SNTG2: variants seen among roughly 807,000 people sequenced by gnomAD.
SNTG2 encodes the protein syntrophin gamma 2, also known as gamma-2-syntrophin.
A neutral mutation model predicts 70.9 loss-of-function variants in SNTG2; 74 were observed. That is an observed-to-expected ratio of 1.04 (90% CI 0.86 to 1.27). The LOEUF is 1.27. SNTG2 is among the 50% of genes most tolerant of loss of function. The pLI, the probability that SNTG2 is intolerant of heterozygous loss-of-function variation, is 0.00. For missense variants in SNTG2, 717 were observed against 690.7 expected, an observed-to-expected ratio of 1.04 and a Z score of -0.43; for synonymous variants, 278 against 273.8, an observed-to-expected ratio of 1.02 and a Z score of -0.15.
intron 4 of SNTG2, among the ~76,000 whole-genome samples, chr2:1,117,797 C>T (rs111888418): frequency 3.3e-4 from 51 of 152,352 alleles, no homozygotes; most frequent in African/African-American, 1.1e-3. Context: ...GTCTTTGCTG[C>T]TGCTGCACTG....
Position 1,353,417 on chromosome 2 carries a change from AT to A in SNTG2, c.1489-13923del, listed in dbSNP as rs1660687265. On this transcript the variant is annotated intron_variant, in intron 16 of 16. Coordinates refer to ENST00000308624, the MANE Select transcript of SNTG2 (RefSeq NM_018968.4). The surrounding 1 kb of genome is among the most constrained non-coding windows in gnomAD (Gnocchi z 4.2). ...TGTGGCTGTTCCTCGTGATTGTTGC[AT>A]TTCATCCTATACTTCTTGGGCTTAT... Among the ~76,000 whole-genome samples, 1 of 152,164 alleles carries A rather than the reference AT, an allele frequency of 6.6e-6. No homozygotes were observed. Among genetic ancestry groups the A allele is most frequent in the Admixed American group, 6.5e-5 (1 of 15,284 alleles).
At chr2:1,267,737 G>A (rs1467256541) in intron 14 of SNTG2, among the ~76,000 whole-genome samples, 166 bp downstream of exon 14, 4 of 135,628 alleles carry the variant, frequency 2.9e-5, no homozygotes, top group Non-Finnish European at 4.7e-5. Context: ...GGAGTCATGC[G>A]CTCCGTGGAT....
At chr2:1,266,996 C>T (rs936691908) in intron 13 of SNTG2, among the ~76,000 whole-genome samples, 13 of 152,072 alleles carry the variant, frequency 8.5e-5, no homozygotes, top group African/African-American at 3.1e-4. Context: ...GTCTCAGACT[C>T]CTGGGCTCAA....
intron 16 of SNTG2, among the ~76,000 whole-genome samples, chr2:1,364,766 T>C (rs1242805600): frequency 1.4e-4 from 20 of 145,252 alleles, no homozygotes; most frequent in South Asian, 2.2e-4. Context: ...AAAAATTAGC[T>C]GGGTGTGGTC....
chr2:966,774 G>A (rs914116843), intron 1 of SNTG2, among the ~76,000 whole-genome samples: 10 of 152,090 alleles, frequency 6.6e-5, no homozygotes, highest in African/African-American at 2.2e-4. Flanking sequence ...GTGAAACCCC[G>A]TCTCTACTAA....
chr2:975,829 T>C (rs1660891724), intron 1 of SNTG2, among the ~76,000 whole-genome samples: 1 of 152,246 alleles, frequency 6.6e-6, no homozygotes, highest in South Asian at 2.1e-4. Context: ...ACTGTGTTTA[T>C]TCCCCAAGAT....
chr2:1,076,458 A>C (rs1327466430), intron 1 of SNTG2, among the ~76,000 whole-genome samples: 1 of 152,246 alleles, frequency 6.6e-6, no homozygotes, highest in Non-Finnish European at 1.5e-5. Flanking sequence ...AACAAGGGGC[A>C]ATGCTTTATA....
chr2:1,220,639 C>T (rs370125137), intron 9 of SNTG2, among the ~76,000 whole-genome samples: 59 of 152,330 alleles, frequency 3.9e-4, no homozygotes, highest in African/African-American at 1.3e-3. Context: ...TTTCTTTTGA[C>T]GATAGAAGAT....
Position 1,367,536 on chromosome 2 carries a change from C to A in SNTG2, c.*62C>A. 2.0e-6 allele frequency: 3 copies of A among 1,518,450 alleles called. No homozygotes were observed. The highest frequency in any genetic ancestry group is 1.2e-5 in the South Asian group (1 of 80,108). The allele number at this position is 1,518,450 out of a possible 1,614,324, so 94.1% of individuals were successfully genotyped here. On this transcript the variant is annotated 3_prime_UTR_variant, in exon 17 of 17. Transcript: ENST00000308624. ...TTTCGTAAGAAATGATTCTTTCCTG[C>A]AGAATATTGCAACTTTGTGTTGTTT...
chr2:1,190,810 T>G (rs4270381), intron 8 of SNTG2, among the ~76,000 whole-genome samples: 1 of 151,782 alleles, frequency 6.6e-6, no homozygotes, highest in African/African-American at 2.4e-5. Context: ...ATCATATATC[T>G]AAATGCTGCC....
At chr2:1,249,777 T>C (rs1677648290) in intron 12 of SNTG2, among the ~76,000 whole-genome samples, 1 of 152,256 alleles carries the variant, frequency 6.6e-6, no homozygotes, top group African/African-American at 2.4e-5. Flanking sequence ...CTTCTTTTTC[T>C]TCATACCTGC....
chr2:1,288,889 C>G (rs1017948965), intron 14 of SNTG2, among the ~76,000 whole-genome samples: 5 of 152,148 alleles, frequency 3.3e-5, no homozygotes, highest in African/African-American at 1.2e-4. Context: ...TCTTCCATCT[C>G]CCCCAGCCCC....
chr2:978,366 A>G (rs1399058264), intron 1 of SNTG2, among the ~76,000 whole-genome samples: 1 of 152,222 alleles, frequency 6.6e-6, no homozygotes, highest in East Asian at 1.9e-4. Context: ...AGAAATTATT[A>G]CTTTTCATTC....
intron 7 of SNTG2, among the ~76,000 whole-genome samples, chr2:1,166,277 G>A (rs1670699408): frequency 6.6e-6 from 1 of 152,136 alleles, no homozygotes; most frequent in Non-Finnish European, 1.5e-5. Context: ...TCGAAGGCAA[G>A]GCCCAGGCTC....
At chr2:1,267,741 C>A (rs149684072) in intron 14 of SNTG2, among the ~76,000 whole-genome samples, 170 bp downstream of exon 14, 8,692 of 138,694 alleles carry the variant, frequency 0.063, 318 homozygotes, top group Middle Eastern at 0.092. Flanking sequence ...TCATGCGCTC[C>A]GTGGATAAAT....
At chr2:958,028 G>A (rs1019646698) in intron 1 of SNTG2, among the ~76,000 whole-genome samples, 1 of 152,224 alleles carries the variant, frequency 6.6e-6, no homozygotes, top group South Asian at 2.1e-4. Context: ...TTACCTAATT[G>A]CTAACATCTA....
intron 6 of SNTG2, among the ~76,000 whole-genome samples, chr2:1,147,209 A>AG (rs1669158086): frequency 6.6e-6 from 1 of 152,154 alleles, no homozygotes; most frequent in African/African-American, 2.4e-5. Flanking sequence ...CAAATTGACA[A>AG]GGGTTGGGCT....
intron 8 of SNTG2, among the ~76,000 whole-genome samples, chr2:1,184,108 C>T (rs1042912037): frequency 2.0e-5 from 3 of 152,096 alleles, no homozygotes; most frequent in Admixed American, 6.6e-5. Context: ...CTTCTATGGG[C>T]CCCCAGTCCA....
At chr2:1,289,193 C>T (rs1019402500) in intron 14 of SNTG2, among the ~76,000 whole-genome samples, 3 of 152,036 alleles carry the variant, frequency 2.0e-5, no homozygotes, top group African/African-American at 7.2e-5. Context: ...CTTAGATATT[C>T]CAAATTAGCA....
Sources: allele counts gnomAD v4.1 joint callset (sites outside exome capture counted in the v4.1 genomes callset), GRCh38; gene constraint gnomAD v4.1.1; non-coding constraint Gnocchi (gnomAD v3.1); transcripts MANE v1.5; gene names NCBI Gene and HGNC (gene_info 2026-07-23, HGNC 2026-07-21).